Variants in LPP observed in about 807,000 individuals in gnomAD.
LPP encodes the protein lipoma-preferred partner.
LPP carries 38 observed loss-of-function variants against 60.4 expected under a neutral mutation model. The ratio of observed to expected loss-of-function variants is 0.63; its 90% confidence interval spans 0.49 to 0.83. LPP has a LOEUF of 0.83. Among genes scored for constraint, LPP ranks in the 40% least tolerant of loss-of-function variants. The pLI, the probability that LPP is intolerant of heterozygous loss-of-function variation, is 0.00. For synonymous variants in LPP, 328 were observed against 290.8 expected, an observed-to-expected ratio of 1.13 and a Z score of -1.30; for missense variants, 902 against 783.6, an observed-to-expected ratio of 1.15 and a Z score of -1.80.
chr3:188,318,158 G>A (rs896038531), intron 2 of LPP, among the ~76,000 whole-genome samples: 1 of 152,194 alleles, frequency 6.6e-6, no homozygotes, highest in African/African-American at 2.4e-5. Flanking sequence ...GCATCGTGCA[G>A]TTTAATTTAG....
rs1741327959 is a variant in LPP at position 188,785,457 on chromosome 3, ATATATATATATT to A, written c.1410+25176_1410+25187del. On this transcript the variant is annotated intron_variant, in intron 9 of 11. Transcript: ENST00000617246. ...TTCCATCATATATATATATTCCATC[ATATATATATATT>A]CCATCATATATATATATTCATCATA... is the stretch of plus-strand genomic sequence containing the variant. Among the ~76,000 whole-genome samples the A allele has an allele frequency of 5.0e-5, 2 of 39,940 alleles. 1 individual carries two copies. The highest frequency in any genetic ancestry group is 2.5e-4 in the African/African-American group (2 of 7,848). The allele number at this position is 39,940 out of a possible 152,430, so 26.2% of individuals were successfully genotyped here.
chr3:188,706,091 CTG>C, intron 7 of LPP, among the ~76,000 whole-genome samples: 1 of 152,300 alleles, frequency 6.6e-6, no homozygotes, highest in Non-Finnish European at 1.5e-5. Context: ...AAAAGAATAA[CTG>C]AATAATTCAG....
At chr3:188,605,747 A>G (rs7613611) in intron 6 of LPP, among the ~76,000 whole-genome samples, 3,199 of 152,282 alleles carry the variant, frequency 0.021, 112 homozygotes, top group African/African-American at 0.074. Flanking sequence ...AGATTTAAGA[A>G]GCATTTTATT....
chr3:188,233,958 T>G (rs1177239204), intron 2 of LPP, among the ~76,000 whole-genome samples: 1 of 152,066 alleles, frequency 6.6e-6, no homozygotes, highest in Non-Finnish European at 1.5e-5. Flanking sequence ...CTGTTTCTTC[T>G]GCTGGAATGC....
intron 2 of LPP, chr3:188,239,884 T>C (rs1723284053): frequency 4.8e-6 from 1 of 209,528 alleles, no homozygotes; most frequent in Non-Finnish European, 9.7e-6. Context: ...TGCTTTCATT[T>C]CTAATGAAAT....
chr3:188,776,093 G>T (rs942889235), intron 9 of LPP, among the ~76,000 whole-genome samples: 1 of 152,226 alleles, frequency 6.6e-6, no homozygotes, highest in Non-Finnish European at 1.5e-5. Context: ...TCACGCTCTC[G>T]TGGAGCCCTG....
At chr3:188,388,699 T>C (rs1458519226) in intron 3 of LPP, among the ~76,000 whole-genome samples, 1 of 152,204 alleles carries the variant, frequency 6.6e-6, no homozygotes, top group Non-Finnish European at 1.5e-5. Flanking sequence ...TATAAATTAG[T>C]GGTCATGTTA....
chr3:188,249,072 T>C (rs1171704293), intron 2 of LPP, among the ~76,000 whole-genome samples: 1 of 152,176 alleles, frequency 6.6e-6, no homozygotes, highest in Non-Finnish European at 1.5e-5. Context: ...GAAGAAATTT[T>C]ATGGAATTGC....
intron 3 of LPP, among the ~76,000 whole-genome samples, chr3:188,362,512 C>T (rs544037228): frequency 6.6e-6 from 1 of 152,178 alleles, no homozygotes; most frequent in Non-Finnish European, 1.5e-5. Context: ...TTTCCTGATA[C>T]TTTTACATCC....
At position 188,888,382 on chromosome 3, in the gene LPP, T is replaced by G. The variant is rs1770917947; in HGVS notation, c.*13903T>G. 4.4e-6 allele frequency: 1 copy of G among 227,904 alleles called. No individual in the cohort carries two copies. Among genetic ancestry groups the G allele is most frequent in the African/African-American group, 2.2e-5 (1 of 45,050 alleles). 14.1% of individuals were successfully genotyped at this position (227,904 alleles called of 1,614,324 possible). ...GGCTTTTATTTCATGCCTTTTCTCT[T>G]TCTGTGCCGTCACCTTTGAGAAAAA... On this transcript the variant is annotated 3_prime_UTR_variant, in exon 12 of 12. Coordinates refer to ENST00000617246, the MANE Select transcript of LPP (RefSeq NM_001375462.1).
rs543271246 is a variant in LPP, at chr3:188,668,190, A to G, written c.1114-40077A>G. ...AAATGGTATCTGGTACATATGGACT[A>G]GATTCTGTTCTTCCAAATGTAGATT... On this transcript the variant is annotated intron_variant, in intron 7 of 11. Coordinates refer to ENST00000617246, the MANE Select transcript of LPP (RefSeq NM_001375462.1). 2.1e-4 allele frequency among the ~76,000 whole-genome samples: 32 copies of G among 152,234 alleles called. No homozygotes were observed. The South Asian group carries it at 6.4e-3, about 31-fold the overall frequency.
At chr3:188,433,601 A>AGC (rs1205756843) in intron 4 of LPP, among the ~76,000 whole-genome samples, 1 of 39,590 alleles carries the variant, frequency 2.5e-5, no homozygotes, top group Non-Finnish European at 5.1e-5. Context: ...ACAGAAAGTG[A>AGC]GAGAGAGAGA....
chr3:188,515,671 G>A (rs1335966309), intron 5 of LPP, among the ~76,000 whole-genome samples: 5 of 152,100 alleles, frequency 3.3e-5, no homozygotes, highest in East Asian at 1.9e-4. Context: ...CAGCTTTTGC[G>A]ACAACTTTTC....
chr3:188,450,122 C>A lies in LPP; in HGVS notation c.194-34470C>A, dbSNP rs186361732. ...CCAACCTGTATTATGAATTATAATA[C>A]ATAGATAACGTGTAAATATTTAATG... is the stretch of plus-strand genomic sequence containing the variant. On this transcript the variant is annotated intron_variant, in intron 4 of 11. Coordinates refer to ENST00000617246, the MANE Select transcript of LPP (RefSeq NM_001375462.1). Among the ~76,000 whole-genome samples, 3 of 152,156 alleles carry A rather than the reference C, an allele frequency of 2.0e-5. No individual in the cohort carries two copies. In the East Asian group the frequency reaches 5.8e-4, roughly 29 times the overall value.
chr3:188,170,399 C>T (rs897529520), intron 1 of LPP, among the ~76,000 whole-genome samples: 25 of 138,146 alleles, frequency 1.8e-4, no homozygotes, highest in African/African-American at 6.9e-4. Context: ...GGTATGATTT[C>T]GGCTGACTGC....
intron 4 of LPP, among the ~76,000 whole-genome samples, chr3:188,410,459 T>C: frequency 6.6e-6 from 1 of 152,370 alleles, no homozygotes; most frequent in Middle Eastern, 3.4e-3. Flanking sequence ...GGGGTACCCA[T>C]ATTTATAATT....
At chr3:188,224,519 C>G (rs1716995871) in intron 1 of LPP, among the ~76,000 whole-genome samples, 2 of 152,256 alleles carry the variant, frequency 1.3e-5, no homozygotes, top group African/African-American at 4.8e-5. Flanking sequence ...TTAGGCTATT[C>G]TAGCATTGCC....
chr3:188,413,768 A>G (rs1323264026), intron 4 of LPP, among the ~76,000 whole-genome samples: 1 of 152,192 alleles, frequency 6.6e-6, no homozygotes, highest in Non-Finnish European at 1.5e-5. Context: ...AAGTGCCAAG[A>G]TGCAGCCCTG....
intron 7 of LPP, among the ~76,000 whole-genome samples, chr3:188,658,444 C>G (rs1436903289): frequency 2.6e-5 from 4 of 152,090 alleles, no homozygotes; most frequent in Admixed American, 1.3e-4. Flanking sequence ...ATACATGCAA[C>G]TGGCTTAACA....
Sources: allele counts gnomAD v4.1 joint callset (sites outside exome capture counted in the v4.1 genomes callset), GRCh38; gene constraint gnomAD v4.1.1; transcripts MANE v1.5; gene names NCBI Gene and HGNC (gene_info 2026-07-23, HGNC 2026-07-21).